FSTL5: variants seen among roughly 807,000 people sequenced by gnomAD.
The protein encoded by FSTL5 is follistatin-related protein 5.
A neutral mutation model predicts 89.1 loss-of-function variants in FSTL5; 62 were observed. That is an observed-to-expected ratio of 0.70 (90% CI 0.57 to 0.86). The LOEUF is 0.86. FSTL5 is among the 40% of genes least tolerant of loss of function. FSTL5 has a pLI of 0.00. For missense variants in FSTL5, 1,057 were observed against 1,001.6 expected, an observed-to-expected ratio of 1.06 and a Z score of -0.75; for synonymous variants, 383 against 346.2, an observed-to-expected ratio of 1.11 and a Z score of -1.18.
At chr4:161,748,339 T>C (rs1013309000) in intron 6 of FSTL5, among the ~76,000 whole-genome samples, 1 of 152,154 alleles carries the variant, frequency 6.6e-6, no homozygotes, top group South Asian at 2.1e-4. Flanking sequence ...AACATAAATA[T>C]GTACATATGT....
intron 3 of FSTL5, among the ~76,000 whole-genome samples, chr4:161,928,923 T>C (rs1734203186): frequency 6.6e-6 from 1 of 151,824 alleles, no homozygotes; most frequent in Non-Finnish European, 1.5e-5. Flanking sequence ...ATTTTTCCTT[T>C]CACTTATTAT....
chr4:161,524,970 A>C (rs1019819379), intron 10 of FSTL5, among the ~76,000 whole-genome samples: 1 of 151,986 alleles, frequency 6.6e-6, no homozygotes, highest in Non-Finnish European at 1.5e-5. Context: ...AAAAAAAAAA[A>C]AAGTTTCCTG....
chr4:162,011,495 A>T (rs1318448871), intron 3 of FSTL5, among the ~76,000 whole-genome samples: 1 of 151,614 alleles, frequency 6.6e-6, no homozygotes, highest in African/African-American at 2.4e-5. Flanking sequence ...TTGTTATTTT[A>T]CTTTTTTTTT....
intron 3 of FSTL5, among the ~76,000 whole-genome samples, chr4:161,968,969 G>A (rs1157610548): frequency 6.8e-6 from 1 of 146,908 alleles, no homozygotes; most frequent in African/African-American, 2.6e-5. Context: ...ACTCACATAA[G>A]CACACACACA....
intron 15 of FSTL5, among the ~76,000 whole-genome samples, chr4:161,436,983 G>A (rs545680643): frequency 3.1e-4 from 47 of 152,136 alleles, no homozygotes; most frequent in Non-Finnish European, 6.2e-4. Flanking sequence ...TACAATGATT[G>A]TAATTTTGTT....
chr4:161,777,243 G>GTGTATATA (rs1553965044), intron 4 of FSTL5, among the ~76,000 whole-genome samples: 11 of 144,972 alleles, frequency 7.6e-5, no homozygotes, highest in Non-Finnish European at 3.0e-5. Context: ...ATTTCATTGT[G>GTGTATATA]TATATATATA....
chr4:161,825,492 T>C (rs1187429154), intron 4 of FSTL5, among the ~76,000 whole-genome samples: 1 of 152,198 alleles, frequency 6.6e-6, no homozygotes, highest in Non-Finnish European at 1.5e-5. Context: ...GAGTGTCTGA[T>C]AGAATTCAGC....
At chr4:161,767,455 A>C (rs1741053423) in intron 5 of FSTL5, among the ~76,000 whole-genome samples, 1 of 152,192 alleles carries the variant, frequency 6.6e-6, no homozygotes, top group South Asian at 2.1e-4. Context: ...TGTAAAATTA[A>C]GTCAATTTAG....
chr4:161,697,957 G>A (rs1304899105), intron 6 of FSTL5, among the ~76,000 whole-genome samples: 7 of 151,758 alleles, frequency 4.6e-5, no homozygotes, highest in Non-Finnish European at 7.4e-5. Context: ...GTGTGTGTGT[G>A]TATGTGTGTG....
intron 4 of FSTL5, among the ~76,000 whole-genome samples, chr4:161,783,820 T>C (rs911096927): frequency 2.0e-5 from 3 of 147,372 alleles, no homozygotes; most frequent in Admixed American, 7.0e-5. Context: ...GGCAGTGGCA[T>C]AGTAGCATGA....
At chr4:161,670,623 C>T (rs1737065857) in intron 6 of FSTL5, among the ~76,000 whole-genome samples, 1 of 152,134 alleles carries the variant, frequency 6.6e-6, no homozygotes, top group Non-Finnish European at 1.5e-5. Flanking sequence ...TAACAAACTG[C>T]TACTACTGAT....
intron 2 of FSTL5, among the ~76,000 whole-genome samples, chr4:162,048,351 A>T (rs1325762375): frequency 2.6e-5 from 4 of 152,044 alleles, no homozygotes; most frequent in African/African-American, 9.7e-5. Flanking sequence ...GAAACAAACA[A>T]ACAAAAAAAC....
chr4:161,883,250 C>T (rs888656769), intron 4 of FSTL5, among the ~76,000 whole-genome samples: 1 of 152,174 alleles, frequency 6.6e-6, no homozygotes, highest in African/African-American at 2.4e-5. Flanking sequence ...CTGAGACTGT[C>T]AGGAAGGGTT....
intron 8 of FSTL5, among the ~76,000 whole-genome samples, chr4:161,544,007 T>C (rs11736973): frequency 0.034 from 5,165 of 151,940 alleles, 167 homozygotes; most frequent in East Asian, 0.15. Flanking sequence ...CCAGAATATA[T>C]AGAGAACTGT....
intron 4 of FSTL5, among the ~76,000 whole-genome samples, chr4:161,880,129 G>T (rs1213072967): frequency 1.3e-5 from 2 of 151,950 alleles, no homozygotes; most frequent in South Asian, 2.1e-4. Context: ...GGCTAGGTGT[G>T]GGGGAGAAAA....
intron 15 of FSTL5, among the ~76,000 whole-genome samples, chr4:161,403,062 C>T (rs1046693888): frequency 6.6e-6 from 1 of 152,108 alleles, no homozygotes; most frequent in Non-Finnish European, 1.5e-5. Context: ...ATCTTCTGAC[C>T]TCGTGATTCG....
chr4:161,387,003 C>T (rs543191445), intron 15 of FSTL5: 42 of 152,630 alleles, frequency 2.8e-4, no homozygotes, highest in Middle Eastern at 3.4e-3. Flanking sequence ...ATTTGTTATC[C>T]TATACTGAAT....
At chr4:161,405,463 G>T (rs1368576454) in intron 15 of FSTL5, among the ~76,000 whole-genome samples, 2 of 152,018 alleles carry the variant, frequency 1.3e-5, no homozygotes, top group African/African-American at 2.4e-5. Flanking sequence ...ATATGAGCAG[G>T]CAGAAGAAAG....
intron 8 of FSTL5, among the ~76,000 whole-genome samples, chr4:161,572,720 G>GCATT (rs1199658452): frequency 1.3e-5 from 2 of 152,136 alleles, no homozygotes; most frequent in Non-Finnish European, 1.5e-5. Context: ...ACATGGAATA[G>GCATT]CATTGTCCTA....
Sources: allele counts gnomAD v4.1 joint callset (sites outside exome capture counted in the v4.1 genomes callset), GRCh38; gene constraint gnomAD v4.1.1; transcripts MANE v1.5; gene names NCBI Gene and HGNC (gene_info 2026-07-23, HGNC 2026-07-21).